Variants in ZNF718 observed in about 807,000 individuals in gnomAD.
ZNF718 encodes the protein zinc finger protein 718.
ZNF718 carries 3 observed loss-of-function variants against 2.6 expected under a neutral mutation model. The observed-to-expected ratio is 1.16, with a 90% confidence interval of 0.53 to 3.01. The LOEUF is 3.01. ZNF718 is among the 30% of genes most tolerant of loss of function. ZNF718 has a pLI of 0.03. For synonymous variants in ZNF718, 135 were observed against 77.9 expected, an observed-to-expected ratio of 1.73 and a Z score of -3.86; for missense variants, 468 against 230.0, an observed-to-expected ratio of 2.03 and a Z score of -6.69.
downstream of ZNF718, among the ~76,000 whole-genome samples, chr4:167,406 TG>T (rs1553817091): frequency 6.6e-6 from 1 of 152,206 alleles, no homozygotes; most frequent in African/African-American, 2.4e-5. Flanking sequence ...GGTAGCTTGA[TG>T]GGGATGGCAT....
At chr4:166,966 A>G (rs554161442), downstream of ZNF718, among the ~76,000 whole-genome samples, 1 of 152,264 alleles carries the variant, frequency 6.6e-6, no homozygotes, top group Admixed American at 6.5e-5. Flanking sequence ...GTTTTCTTCT[A>G]GGGTTTTTAT....
chr4:151,867 G>A (rs1443626942), intron 3 of ZNF718, among the ~76,000 whole-genome samples: 146 of 150,406 alleles, frequency 9.7e-4, no homozygotes, highest in Non-Finnish European at 1.3e-3. Context: ...GGGAACCAGC[G>A]TTCAGCATAT....
intron 3 of ZNF718, among the ~76,000 whole-genome samples, chr4:145,537 G>A (rs1299686581): frequency 2.6e-5 from 4 of 152,088 alleles, no homozygotes; most frequent in Non-Finnish European, 5.9e-5. Flanking sequence ...TCACAGCTTA[G>A]TGCAGCCTCG....
intron 3 of ZNF718, among the ~76,000 whole-genome samples, chr4:183,664 T>C (rs1290665162): frequency 6.6e-6 from 1 of 152,186 alleles, no homozygotes; most frequent in African/African-American, 2.4e-5. Flanking sequence ...CATTTGTTTG[T>C]GTCACCTCTG....
At chr4:124,792 C>G in intron 1 of ZNF718, 119 bp downstream of exon 1, 6 of 1,400,182 alleles carry the variant, frequency 4.3e-6, no homozygotes, top group Non-Finnish European at 5.8e-6. Context: ...GTCCTCAGTC[C>G]CCTCCGGTGA....
At chr4:174,939 T>G (rs1283115702) in intron 3 of ZNF718, among the ~76,000 whole-genome samples, 1 of 152,178 alleles carries the variant, frequency 6.6e-6, no homozygotes, top group Non-Finnish European at 1.5e-5. Flanking sequence ...ATCGAGCTAT[T>G]AAAAGCACCC....
At chr4:155,670 G>A (rs915753662) in intron 3 of ZNF718, among the ~76,000 whole-genome samples, 1 of 152,140 alleles carries the variant, frequency 6.6e-6, no homozygotes, top group East Asian at 1.9e-4. Flanking sequence ...GATTTTACAG[G>A]CTCATAGGTG....
rs1159755601 is a variant in ZNF718 at position 161,126 on chromosome 4, A to AT, written c.442dup (p.Cys148LeufsTer7). On this transcript the variant is annotated frameshift_variant, in exon 4 of 4. Coordinates refer to ENST00000510175, the MANE Select transcript of ZNF718 (RefSeq NM_001039127.6). LOFTEE classifies it low-confidence loss of function (END_TRUNC). ...AGAAAAAAACAATTCAATCTAATAT[A>AT]TGTGTCAAAGTTTTTCATAAATTTT... 4.0e-6 allele frequency: 3 copies of AT among 759,222 alleles called. No individual in the cohort carries two copies. The African/African-American group carries it at 5.1e-5, about 13-fold the overall frequency. 47.0% of individuals were successfully genotyped at this position (759,222 alleles called of 1,614,324 possible). A position where few individuals can be genotyped will look rare whatever the true frequency, so the allele number is the denominator to read the frequency against.
At chr4:180,551 T>C (rs2108813128) in intron 3 of ZNF718, among the ~76,000 whole-genome samples, 1 of 152,326 alleles carries the variant, frequency 6.6e-6, no homozygotes, top group South Asian at 2.1e-4. Context: ...AGCCCAACTT[T>C]GGGAGAATCA....
intron 3 of ZNF718, among the ~76,000 whole-genome samples, chr4:140,694 T>G (rs1159483325): frequency 1.3e-5 from 2 of 152,170 alleles, no homozygotes; most frequent in African/African-American, 4.8e-5. Flanking sequence ...ATGGCTAAGG[T>G]TCCAAGCTAT....
At chr4:164,179 T>G (rs1482525735), downstream of ZNF718, among the ~76,000 whole-genome samples, 1 of 152,086 alleles carries the variant, frequency 6.6e-6, no homozygotes, top group Non-Finnish European at 1.5e-5. Flanking sequence ...TTTGGACATC[T>G]GGCATCTCTT....
At chr4:153,156 T>G (rs1430296839) in intron 3 of ZNF718, among the ~76,000 whole-genome samples, 4 of 145,154 alleles carry the variant, frequency 2.8e-5, no homozygotes, top group Non-Finnish European at 4.6e-5. Context: ...TCAGTTTTCC[T>G]TGCACTATTT....
intron 3 of ZNF718, among the ~76,000 whole-genome samples, chr4:136,088 G>A (rs1301191596): frequency 7.2e-5 from 11 of 152,122 alleles, no homozygotes; most frequent in Admixed American, 6.5e-4. Flanking sequence ...GACAGTCATG[G>A]ATTCTTTCTG....
Position 162,343 on chromosome 4 carries a change from A to C in ZNF718, c.*221A>C. 4.8e-6 allele frequency: 2 copies of C among 413,726 alleles called. No homozygotes were observed. Among genetic ancestry groups the C allele is most frequent in the Non-Finnish European group, 8.6e-6 (2 of 233,274 alleles). The allele number at this position is 413,726 out of a possible 1,614,324, so 25.6% of individuals were successfully genotyped here. A position where few individuals can be genotyped will look rare whatever the true frequency, so the allele number is the denominator to read the frequency against. ...TCACATATTACTGAATATAATTCTT[A>C]CTGCAGAAAACCCCTAGGAATATTA... On this transcript the variant is annotated 3_prime_UTR_variant, in exon 4 of 4. Transcript: ENST00000510175.
chr4:133,195 A>AAAAATATAT (rs1258303094), intron 3 of ZNF718, among the ~76,000 whole-genome samples: 2 of 20,774 alleles, frequency 9.6e-5, no homozygotes, highest in African/African-American at 1.7e-4. Flanking sequence ...AAAAAAAAAA[A>AAAAATATAT]ATATATATAT....
intron 3 of ZNF718, among the ~76,000 whole-genome samples, chr4:156,618 C>T (rs73793532): frequency 0.013 from 1,937 of 152,130 alleles, 48 homozygotes; most frequent in African/African-American, 0.044. Context: ...ATTAAAAAAC[C>T]ATGTATTTCT....
chr4:135,074 T>G (rs1715498799), intron 3 of ZNF718, among the ~76,000 whole-genome samples: 1 of 152,002 alleles, frequency 6.6e-6, no homozygotes, highest in Admixed American at 6.6e-5. Flanking sequence ...AAACCCCATC[T>G]CTACTAAAAA....
At chr4:174,720 T>C (rs1717313820) in intron 3 of ZNF718, among the ~76,000 whole-genome samples, 1 of 152,188 alleles carries the variant, frequency 6.6e-6, no homozygotes. Flanking sequence ...TTGAAGAATC[T>C]CATAGTAGAA....
In ZNF718 at chr4:164,153, A is replaced by G. The variant is rs528957501; in HGVS notation, c.*2031A>G. Among the ~76,000 whole-genome samples the G allele has an allele frequency of 1.4e-4, 22 of 152,182 alleles. No homozygotes were observed. Among genetic ancestry groups the G allele is most frequent in the African/African-American group, 5.3e-4 (22 of 41,568 alleles). On this transcript the variant is annotated 3_prime_UTR_variant, in exon 4 of 4. Coordinates refer to ENST00000510175, the MANE Select transcript of ZNF718 (RefSeq NM_001039127.6). ...GTGTCCTGAATAAATATGTTTTTAA[A>G]TGTTCCATATTTTTCTTTGGACATC... is the stretch of plus-strand genomic sequence containing the variant.
Sources: gnomAD v4.1 joint callset for allele counts (sites outside exome capture counted in the v4.1 genomes callset) on GRCh38, gnomAD v4.1.1 for gene constraint, MANE v1.5 for transcripts, NCBI Gene and HGNC (gene_info 2026-07-23, HGNC 2026-07-21) for gene names.